The following ASIC2 variants were observed in gnomAD, a reference collection of about 807,000 sequenced individuals.
ASIC2 encodes the protein acid sensing ion channel subunit 2.
ASIC2 carries 25 observed loss-of-function variants against 57.3 expected under a neutral mutation model. The observed-to-expected ratio is 0.44, with a 90% CI of 0.32 to 0.61. The LOEUF is 0.61. Among genes scored for constraint, ASIC2 ranks in the 20% least tolerant of loss-of-function variants. ASIC2 has a pLI of 0.06. For missense variants in ASIC2, 641 were observed against 738.1 expected (o/e 0.87, Z 1.52); for synonymous variants, 319 against 307.5 (o/e 1.04, Z -0.39).
intron 1 of ASIC2, among the ~76,000 whole-genome samples, chr17:33,321,586 C>A (rs1403052780): frequency 6.6e-6 from 1 of 152,128 alleles, no homozygotes; most frequent in Non-Finnish European, 1.5e-5. Flanking sequence ...GATTATATTT[C>A]TAGCATTTAT....
chr17:33,368,449 G>A (rs1239619455), intron 1 of ASIC2, among the ~76,000 whole-genome samples: 2 of 152,226 alleles, frequency 1.3e-5, no homozygotes, highest in East Asian at 1.9e-4. Flanking sequence ...TCAGGGATCA[G>A]AGAACAGACT....
intron 1 of ASIC2, among the ~76,000 whole-genome samples, chr17:33,574,056 T>C (rs970682831): frequency 4.6e-5 from 7 of 152,232 alleles, no homozygotes; most frequent in African/African-American, 1.7e-4. Flanking sequence ...TGCCGCTCAC[T>C]TCTCCTGCAC....
At chr17:33,559,468 A>C (rs1464579548) in intron 1 of ASIC2, among the ~76,000 whole-genome samples, 1 of 151,014 alleles carries the variant, frequency 6.6e-6, no homozygotes, top group Non-Finnish European at 1.5e-5. Context: ...AAAAAATGAG[A>C]TCTCACTTCA....
intron 1 of ASIC2, among the ~76,000 whole-genome samples, chr17:33,352,079 T>C (rs1908206429): frequency 6.6e-6 from 1 of 152,128 alleles, no homozygotes; most frequent in South Asian, 2.1e-4. Flanking sequence ...CTTTGCTTCC[T>C]ACTCCCTGGG....
At chr17:33,666,442 C>T (rs932764461) in intron 1 of ASIC2, among the ~76,000 whole-genome samples, 2 of 152,176 alleles carry the variant, frequency 1.3e-5, no homozygotes, top group South Asian at 4.1e-4. Context: ...TGGGGTTCTA[C>T]ATCAGACTAC....
intron 1 of ASIC2, among the ~76,000 whole-genome samples, chr17:33,767,571 A>AT (rs147407713): frequency 0.038 from 5,792 of 152,324 alleles, 386 homozygotes; most frequent in African/African-American, 0.13. Context: ...GTATGAATAT[A>AT]TAAGAAAGTT....
At chr17:34,099,725 GGAAAGAAGGAAAGAAAGAAAGAAAGAAA>G (rs1374269995) in intron 1 of ASIC2, among the ~76,000 whole-genome samples, 2 of 66,258 alleles carry the variant, frequency 3.0e-5, no homozygotes, top group Admixed American at 1.9e-4. Context: ...AAAGAAAGAA[GGAAAGAAGGAAAGAAAGAAAGAAAGAAA>G]GAAAGAAAGA....
At chr17:33,279,248 C>T (rs929731439) in intron 1 of ASIC2, among the ~76,000 whole-genome samples, 3 of 152,188 alleles carry the variant, frequency 2.0e-5, no homozygotes, top group African/African-American at 7.2e-5. Context: ...CAGAGACAGC[C>T]TGCTATCAGA....
At chr17:33,551,565 T>C (rs985931421) in intron 1 of ASIC2, among the ~76,000 whole-genome samples, 1 of 152,194 alleles carries the variant, frequency 6.6e-6, no homozygotes, top group African/African-American at 2.4e-5. Flanking sequence ...CTACTCCCAA[T>C]CAGATGCCCA....
chr17:33,986,404 A>G (rs1359392493), intron 1 of ASIC2, among the ~76,000 whole-genome samples: 2 of 152,156 alleles, frequency 1.3e-5, no homozygotes, highest in East Asian at 3.9e-4. Context: ...CCAACGGAGC[A>G]TCTCAGCATG....
At chr17:33,146,606 T>C (rs1032916509) in intron 1 of ASIC2, among the ~76,000 whole-genome samples, 2 of 152,228 alleles carry the variant, frequency 1.3e-5, no homozygotes, top group Non-Finnish European at 2.9e-5. Flanking sequence ...TGAACTGAGC[T>C]AAGACAAGAG....
intron 1 of ASIC2, among the ~76,000 whole-genome samples, chr17:33,625,132 T>C (rs1229737905): frequency 1.1e-5 from 1 of 91,170 alleles, no homozygotes; most frequent in African/African-American, 3.2e-5. Context: ...CCTCTCTGTC[T>C]ATCTATCTAT....
At chr17:33,339,475 C>A (rs1907645444) in intron 1 of ASIC2, among the ~76,000 whole-genome samples, 1 of 152,302 alleles carries the variant, frequency 6.6e-6, no homozygotes, top group Non-Finnish European at 1.5e-5. Context: ...GCCTGTGGAT[C>A]ATAGGTTGCC....
chr17:33,236,911 T>G (rs1908315049), intron 1 of ASIC2, among the ~76,000 whole-genome samples: 1 of 152,126 alleles, frequency 6.6e-6, no homozygotes, highest in African/African-American at 2.4e-5. Flanking sequence ...ACACCTCGAT[T>G]TTGGACTCCT....
chr17:33,601,503 G>A (rs1299982302), intron 1 of ASIC2, among the ~76,000 whole-genome samples: 1 of 152,218 alleles, frequency 6.6e-6, no homozygotes, highest in African/African-American at 2.4e-5. Context: ...CCTTGGTGGT[G>A]TTTACAGGGT....
At chr17:33,674,813 G>A (rs1412516543) in intron 1 of ASIC2, among the ~76,000 whole-genome samples, 2 of 152,192 alleles carry the variant, frequency 1.3e-5, no homozygotes, top group African/African-American at 4.8e-5. Flanking sequence ...CGAATGTAGT[G>A]TAGCACAAAG....
At chr17:33,554,791 G>C (rs1915854632) in intron 1 of ASIC2, among the ~76,000 whole-genome samples, 1 of 152,110 alleles carries the variant, frequency 6.6e-6, no homozygotes, top group African/African-American at 2.4e-5. Flanking sequence ...TGAGCTGGGG[G>C]AAGTAAGGCT....
chr17:33,546,858 G>A (rs1915593558), intron 1 of ASIC2, among the ~76,000 whole-genome samples: 1 of 152,164 alleles, frequency 6.6e-6, no homozygotes, highest in African/African-American at 2.4e-5. Flanking sequence ...GCTCAACATG[G>A]CCAGGTGACT....
chr17:33,627,171 A>T (rs533740181), intron 1 of ASIC2: 1 of 152,366 alleles, frequency 6.6e-6, no homozygotes, highest in African/African-American at 2.4e-5. Flanking sequence ...GTCTGCCGGA[A>T]CAAGCCTCCT....
Sources: gnomAD v4.1 joint callset for allele counts (sites outside exome capture counted in the v4.1 genomes callset) on GRCh38, gnomAD v4.1.1 for gene constraint, MANE v1.5 for transcripts, NCBI Gene and HGNC (gene_info 2026-07-23, HGNC 2026-07-21) for gene names.